HS6ST3: variants seen among roughly 807,000 people sequenced by gnomAD.
The protein encoded by HS6ST3 is heparan-sulfate 6-O-sulfotransferase 3.
In HS6ST3, 12 loss-of-function variants were observed where a neutral mutation model predicts 36.7. The observed-to-expected ratio is 0.33, with a 90% CI of 0.21 to 0.53. HS6ST3 has a LOEUF of 0.53. HS6ST3 is among the 20% of genes least tolerant of loss of function. The pLI is 0.95. For synonymous variants in HS6ST3, 240 were observed against 257.5 expected (o/e 0.93, Z 0.65); for missense variants, 584 against 640.9 (o/e 0.91, Z 0.96).
At chr13:96,716,585 T>C (rs900601680) in intron 1 of HS6ST3, among the ~76,000 whole-genome samples, 1 of 152,170 alleles carries the variant, frequency 6.6e-6, no homozygotes, top group Non-Finnish European at 1.5e-5. Context: ...TTACCTATCA[T>C]TTATGATCTA....
chr13:96,370,561 G>C (rs2055284454), intron 1 of HS6ST3, among the ~76,000 whole-genome samples: 1 of 152,092 alleles, frequency 6.6e-6, no homozygotes, highest in South Asian at 2.1e-4. Flanking sequence ...CATGTCTCCA[G>C]ACCCTCTCAA....
chr13:96,732,915 T>C (rs1334688375), intron 1 of HS6ST3, among the ~76,000 whole-genome samples: 1 of 152,230 alleles, frequency 6.6e-6, no homozygotes, highest in Non-Finnish European at 1.5e-5. Context: ...ATGGGCTTGT[T>C]TTCTTCATTT....
At chr13:96,664,568 C>T (rs2056657311) in intron 1 of HS6ST3, among the ~76,000 whole-genome samples, 1 of 152,168 alleles carries the variant, frequency 6.6e-6, no homozygotes, top group South Asian at 2.1e-4. Context: ...ACACTCAGGT[C>T]TTCAAAACCC....
At chr13:96,502,775 C>A (rs1331296592) in intron 1 of HS6ST3, among the ~76,000 whole-genome samples, 1 of 152,112 alleles carries the variant, frequency 6.6e-6, no homozygotes, top group Non-Finnish European at 1.5e-5. Context: ...TTTGTTTATT[C>A]AAGGGTGTGA....
intron 1 of HS6ST3, among the ~76,000 whole-genome samples, chr13:96,298,223 A>G (rs1385185758): frequency 6.6e-6 from 1 of 152,192 alleles, no homozygotes; most frequent in African/African-American, 2.4e-5. Context: ...TGCTCTGCTT[A>G]TATGATAAGA....
chr13:96,136,674 T>A (rs2054003326), intron 1 of HS6ST3, among the ~76,000 whole-genome samples: 1 of 135,904 alleles, frequency 7.4e-6, no homozygotes, highest in Non-Finnish European at 1.6e-5. Context: ...CAGCATGATG[T>A]TATGAAACAT....
At chr13:96,720,144 C>T (rs890625394) in intron 1 of HS6ST3, among the ~76,000 whole-genome samples, 1 of 152,192 alleles carries the variant, frequency 6.6e-6, no homozygotes, top group Non-Finnish European at 1.5e-5. Context: ...ACTCTGCCTC[C>T]TATAAATGCC....
intron 1 of HS6ST3, among the ~76,000 whole-genome samples, chr13:96,304,711 C>CTTTCTTTCTTTCTTTCTTTCTTTTTT (rs766397124): frequency 1.1e-5 from 1 of 89,338 alleles, no homozygotes; most frequent in African/African-American, 4.4e-5. Context: ...TTCTTTCTTT[C>CTTTCTTTCTTTCTTTCTTTCTTTTTT]TTTTTTTTTT....
intron 1 of HS6ST3, among the ~76,000 whole-genome samples, chr13:96,415,525 A>G (rs898822723): frequency 6.6e-6 from 1 of 152,238 alleles, no homozygotes; most frequent in Non-Finnish European, 1.5e-5. Flanking sequence ...CTGCTTAATG[A>G]AGCAGCTTAG....
At chr13:96,746,896 G>A (rs1876575009) in intron 1 of HS6ST3, among the ~76,000 whole-genome samples, 1 of 152,044 alleles carries the variant, frequency 6.6e-6, no homozygotes, top group African/African-American at 2.4e-5. Context: ...AAAGCTGGAA[G>A]GTTCTTATGC....
chr13:96,126,566 G>A (rs1187015908), intron 1 of HS6ST3, among the ~76,000 whole-genome samples: 1 of 152,204 alleles, frequency 6.6e-6, no homozygotes, highest in African/African-American at 2.4e-5. Context: ...CTGGAGGGAA[G>A]TCCATAGGGT....
Position 96,839,378 on chromosome 13 carries a change from G to T in HS6ST3, c.*6180G>T, listed in dbSNP as rs913263053. 1 of 152,112 alleles carries T rather than the reference G, an allele frequency of 6.6e-6. No homozygotes were observed. Among genetic ancestry groups the T allele is most frequent in the African/African-American group, 2.4e-5 (1 of 41,420 alleles). 9.4% of individuals were successfully genotyped at this position (152,112 alleles called of 1,614,324 possible). A position where few individuals can be genotyped will look rare whatever the true frequency, so the allele number is the denominator to read the frequency against. On this transcript the variant is annotated 3_prime_UTR_variant, in exon 2 of 2. Transcript: ENST00000376705. ...AGATAGTAAATTATTTCTCTTAAGA[G>T]ATATTTCCTTTTATTTCTGTACAAT...
intron 1 of HS6ST3, among the ~76,000 whole-genome samples, chr13:96,317,715 C>G (rs2054982923): frequency 7.1e-6 from 1 of 141,322 alleles, no homozygotes; most frequent in South Asian, 2.3e-4. Flanking sequence ...TATAGCCTTG[C>G]CAGCATCTGT....
chr13:96,238,782 C>T (rs1018983567), intron 1 of HS6ST3, among the ~76,000 whole-genome samples: 23 of 152,312 alleles, frequency 1.5e-4, no homozygotes, highest in African/African-American at 5.3e-4. Context: ...TAGTCGATAG[C>T]GTGCTTTCAA....
At chr13:96,686,094 C>T (rs1441424643) in intron 1 of HS6ST3, among the ~76,000 whole-genome samples, 3 of 151,936 alleles carry the variant, frequency 2.0e-5, no homozygotes, top group East Asian at 1.9e-4. Context: ...AGGAGGAAGG[C>T]GTTTGCCTGC....
intron 1 of HS6ST3, among the ~76,000 whole-genome samples, chr13:96,260,334 C>T (rs549653704): frequency 9.8e-4 from 138 of 140,344 alleles, no homozygotes; most frequent in African/African-American, 2.9e-3. Flanking sequence ...TTTTTTGAGA[C>T]GGAGTCTCGC....
At chr13:96,360,315 A>T (rs989229872) in intron 1 of HS6ST3, among the ~76,000 whole-genome samples, 2 of 3,926 alleles carry the variant, frequency 5.1e-4, no homozygotes, top group Non-Finnish European at 2.1e-3. Context: ...GCTACTGACA[A>T]AAAAAAATAG....
At chr13:96,375,166 C>G (rs1159992373) in intron 1 of HS6ST3, among the ~76,000 whole-genome samples, 1 of 152,110 alleles carries the variant, frequency 6.6e-6, no homozygotes, top group Non-Finnish European at 1.5e-5. Context: ...TTGCCTTGTT[C>G]CTTCTCACTC....
intron 1 of HS6ST3, among the ~76,000 whole-genome samples, chr13:96,617,128 GA>G: frequency 6.6e-6 from 1 of 152,258 alleles, no homozygotes; most frequent in Middle Eastern, 3.4e-3. Context: ...TGGCATCACT[GA>G]ATAGCCTTTC....
Sources: gnomAD v4.1 joint callset for allele counts (sites outside exome capture counted in the v4.1 genomes callset) on GRCh38, gnomAD v4.1.1 for gene constraint, MANE v1.5 for transcripts, NCBI Gene and HGNC (gene_info 2026-07-23, HGNC 2026-07-21) for gene names.